Variants in TNFRSF21 observed in about 807,000 individuals in gnomAD.
The protein encoded by TNFRSF21 is tumor necrosis factor receptor superfamily member 21.
A neutral mutation model predicts 45.6 loss-of-function variants in TNFRSF21; 19 were observed. The ratio of observed to expected loss-of-function variants is 0.42; its 90% CI spans 0.29 to 0.61. TNFRSF21 has a LOEUF of 0.61. Ranked by LOEUF, TNFRSF21 falls within the 20% of genes least tolerant of loss-of-function variation. TNFRSF21 has a pLI of 0.23. For missense variants in TNFRSF21, 737 were observed against 851.5 expected (o/e 0.87, Z 1.67); for synonymous variants, 314 against 335.5 (o/e 0.94, Z 0.70).
intron 3 of TNFRSF21, among the ~76,000 whole-genome samples, chr6:47,269,176 C>G (rs141675666): frequency 1.1e-4 from 16 of 152,050 alleles, no homozygotes; most frequent in African/African-American, 2.4e-4. Flanking sequence ...TGAATCTCCT[C>G]TAACCGTGAC....
intron 1 of TNFRSF21, among the ~76,000 whole-genome samples, chr6:47,302,753 T>C (rs1762882922): frequency 6.6e-6 from 1 of 152,150 alleles, no homozygotes; most frequent in East Asian, 1.9e-4. Flanking sequence ...GAAAACAAAA[T>C]TCTGGTAAAT....
chr6:47,304,484 A>C (rs754598712), intron 1 of TNFRSF21, among the ~76,000 whole-genome samples: 1 of 152,204 alleles, frequency 6.6e-6, no homozygotes, highest in Non-Finnish European at 1.5e-5. Context: ...ACAATGAAGA[A>C]AGGACAAAGA....
chr6:47,271,291 G>GTT (rs1762415123), intron 3 of TNFRSF21, among the ~76,000 whole-genome samples: 1 of 152,242 alleles, frequency 6.6e-6, no homozygotes. Flanking sequence ...ACAAAGGGAA[G>GTT]CCCATCAGAC....
Position 47,285,973 on chromosome 6 carries a change from T to C in TNFRSF21, c.719A>G (p.Glu240Gly), listed in dbSNP as rs757248210. 1 of 1,614,134 alleles carries C rather than the reference T, an allele frequency of 6.2e-7. No homozygotes were observed. Residue 240 changes from glutamate to glycine, a missense_variant, in exon 2 of 6, where the codon GAA becomes GGA. Physicochemically the swap from Glu to Gly is moderately conservative, Grantham distance 98 (BLOSUM62 -2). Coordinates refer to ENST00000296861, the MANE Select transcript of TNFRSF21 (RefSeq NM_014452.5). The part of the protein sequence containing the change: ...FPRPEHMETH[E>G]VPSSTYVPKG... ...GGGAACATAAGTGGAGGAAGGGACT[T>C]CATGGGTTTCCATGTGCTCAGGGCG... is the stretch of plus-strand genomic sequence containing the variant.
intron 4 of TNFRSF21, among the ~76,000 whole-genome samples, chr6:47,242,618 G>T (rs1263975962): frequency 1.3e-5 from 2 of 152,202 alleles, no homozygotes; most frequent in East Asian, 1.9e-4. Flanking sequence ...GCTCCGGAGG[G>T]AGGGAAAAGG....
At chr6:47,290,732 C>A (rs1227282923) in intron 1 of TNFRSF21, among the ~76,000 whole-genome samples, 1 of 152,180 alleles carries the variant, frequency 6.6e-6, no homozygotes, top group Non-Finnish European at 1.5e-5. Context: ...CTCCCGCAAG[C>A]AGAGCCAACA....
chr6:47,296,259 T>C (rs1383937708), intron 1 of TNFRSF21, among the ~76,000 whole-genome samples: 2 of 152,182 alleles, frequency 1.3e-5, no homozygotes, highest in African/African-American at 4.8e-5. Flanking sequence ...CTCTGGCCAG[T>C]GCAGCAACTC....
At chr6:47,302,616 A>G (rs1221063844) in intron 1 of TNFRSF21, among the ~76,000 whole-genome samples, 1 of 152,206 alleles carries the variant, frequency 6.6e-6, no homozygotes, top group Admixed American at 6.5e-5. Context: ...CAATCCACAC[A>G]CAGGTTGCTC....
intron 3 of TNFRSF21, among the ~76,000 whole-genome samples, chr6:47,276,733 A>G (rs1762502406): frequency 6.6e-6 from 1 of 152,130 alleles, no homozygotes; most frequent in Admixed American, 6.5e-5. Flanking sequence ...AATATCTCCT[A>G]ACTTGCTGAC....
chr6:47,254,206 C>T (rs144397365), intron 3 of TNFRSF21, among the ~76,000 whole-genome samples: 294 of 152,278 alleles, frequency 1.9e-3, no homozygotes, highest in African/African-American at 6.5e-3. Flanking sequence ...ATAACCTAGA[C>T]GGCTACTAAG....
In TNFRSF21 at chr6:47,253,246, G is replaced by GCTCC; in HGVS notation, c.1509+6_1509+9dup. On this transcript the variant is annotated intron_variant, in intron 4 of 5. Transcript: ENST00000296861. ...TCGGTGGTAATGACACACAACAAGGGCTCCATTACCTGGGTGGTGTCTTCC... is the reference window on the plus strand; with the variant it reads ...TCGGTGGTAATGACACACAACAAGGGCTCCCTCCATTACCTGGGTGGTGTCTTCC... The GCTCC allele has an allele frequency of 6.2e-7, 1 of 1,610,824 alleles. No homozygotes were observed. Among genetic ancestry groups the GCTCC allele is most frequent in the Non-Finnish European group, 8.5e-7 (1 of 1,177,848 alleles).
chr6:47,259,768 C>T (rs1015431154), intron 3 of TNFRSF21, among the ~76,000 whole-genome samples: 1 of 152,154 alleles, frequency 6.6e-6, no homozygotes, highest in Non-Finnish European at 1.5e-5. Flanking sequence ...CCCTATACAT[C>T]CGAGGCTGTA....
At chr6:47,271,988 A>C (rs1006016002) in intron 3 of TNFRSF21, among the ~76,000 whole-genome samples, 2 of 152,176 alleles carry the variant, frequency 1.3e-5, no homozygotes, top group Non-Finnish European at 2.9e-5. Flanking sequence ...TATATGCACC[A>C]AATACAGGAG....
At chr6:47,268,921 G>A (rs749906279) in intron 3 of TNFRSF21, among the ~76,000 whole-genome samples, 5 of 152,120 alleles carry the variant, frequency 3.3e-5, no homozygotes, top group Non-Finnish European at 7.3e-5. Context: ...TCGCCTGTGT[G>A]TTTTCTCATT....
intron 4 of TNFRSF21, among the ~76,000 whole-genome samples, chr6:47,252,296 C>A (rs532118304): frequency 1.3e-5 from 2 of 152,126 alleles, no homozygotes; most frequent in African/African-American, 4.8e-5. Flanking sequence ...TAACACAGAC[C>A]GGCCCTTTAA....
intron 1 of TNFRSF21, among the ~76,000 whole-genome samples, chr6:47,300,400 A>T (rs1018789146): frequency 1.3e-5 from 2 of 152,086 alleles, no homozygotes; most frequent in African/African-American, 4.8e-5. Context: ...CTTCATTGTC[A>T]CTGCTCTAGC....
chr6:47,266,523 A>G (rs1329376964), intron 3 of TNFRSF21, among the ~76,000 whole-genome samples: 1 of 152,238 alleles, frequency 6.6e-6, no homozygotes, highest in Non-Finnish European at 1.5e-5. Flanking sequence ...TTAGTTCAAT[A>G]TATAAATAAA....
intron 3 of TNFRSF21, among the ~76,000 whole-genome samples, chr6:47,268,744 C>T (rs1282200217): frequency 6.6e-6 from 1 of 152,148 alleles, no homozygotes; most frequent in Non-Finnish European, 1.5e-5. Flanking sequence ...CGGTGTCATC[C>T]AGGCTATCCA....
At chr6:47,277,219 C>G (rs752625181) in intron 3 of TNFRSF21, among the ~76,000 whole-genome samples, 1 of 152,210 alleles carries the variant, frequency 6.6e-6, no homozygotes, top group Non-Finnish European at 1.5e-5. Flanking sequence ...TCTTGAACTA[C>G]TGACCTCAAA....
Sources: gnomAD v4.1 joint callset for allele counts (sites outside exome capture counted in the v4.1 genomes callset) on GRCh38, gnomAD v4.1.1 for gene constraint, MANE v1.5 for transcripts, NCBI Gene and HGNC (gene_info 2026-07-23, HGNC 2026-07-21) for gene names.